The following SERGEF variants were observed in gnomAD, a reference collection of about 807,000 sequenced individuals.
The protein encoded by SERGEF is secretion regulating guanine nucleotide exchange factor, also known as secretion-regulating guanine nucleotide exchange factor.
SERGEF carries 51 observed loss-of-function variants against 50.0 expected under a neutral mutation model. The ratio of observed to expected loss-of-function variants is 1.02; its 90% CI spans 0.81 to 1.29. SERGEF has a LOEUF of 1.29. Ranked by LOEUF, SERGEF falls within the 50% of genes most tolerant of loss-of-function variation. SERGEF has a pLI of 0.00. For synonymous variants in SERGEF, 205 were observed against 212.4 expected, an observed-to-expected ratio of 0.97 and a Z score of 0.30; for missense variants, 521 against 557.0, an observed-to-expected ratio of 0.94 and a Z score of 0.65.
At position 17,808,030 on chromosome 11, in the gene SERGEF, C is replaced by T. The variant is rs186171984; in HGVS notation, c.1049-19617G>A. Among the ~76,000 whole-genome samples, 657 of 152,268 alleles carry T rather than the reference C, an allele frequency of 4.3e-3. 2 individuals are homozygous for T. Among genetic ancestry groups the T allele is most frequent in the African/African-American group, 0.015 (631 of 41,552 alleles). ...ATGTGCAGCCACAAGATTAGTGTCCCCTAATCTGAGAGTTTCTTGGGGCTA... is the reference window on the plus strand; with the variant it reads ...ATGTGCAGCCACAAGATTAGTGTCCTCTAATCTGAGAGTTTCTTGGGGCTA... On this transcript the variant is annotated intron_variant, in intron 10 of 10. Transcript: ENST00000265965.
At chr11:17,834,343 T>C (rs1850365677) in intron 10 of SERGEF, among the ~76,000 whole-genome samples, 1 of 152,160 alleles carries the variant, frequency 6.6e-6, no homozygotes, top group African/African-American at 2.4e-5. Context: ...ATGAAACTGT[T>C]AAGTCCAACT....
At chr11:17,946,107 C>T (rs1852655655) in intron 9 of SERGEF, among the ~76,000 whole-genome samples, 1 of 152,186 alleles carries the variant, frequency 6.6e-6, no homozygotes, top group South Asian at 2.1e-4. Flanking sequence ...AACTGCTTCT[C>T]ATTATACAGA....
chr11:17,867,574 C>G (rs911527804), intron 10 of SERGEF, among the ~76,000 whole-genome samples: 2 of 152,192 alleles, frequency 1.3e-5, no homozygotes, highest in Admixed American at 6.5e-5. Context: ...ATTCTGGGGC[C>G]TGGAGGATAG....
At chr11:17,800,673 A>G (rs373421314) in intron 10 of SERGEF, among the ~76,000 whole-genome samples, 142 of 152,318 alleles carry the variant, frequency 9.3e-4, no homozygotes, top group African/African-American at 3.2e-3. Context: ...ACAGTATATG[A>G]TTTAGAAGGG....
At chr11:18,003,617 T>C (rs1160490275) in intron 4 of SERGEF, among the ~76,000 whole-genome samples, 1 of 152,208 alleles carries the variant, frequency 6.6e-6, no homozygotes, top group Non-Finnish European at 1.5e-5. Flanking sequence ...GGCAGGGAAC[T>C]GCTTGAACCT....
intron 8 of SERGEF, among the ~76,000 whole-genome samples, chr11:17,982,350 C>T (rs766218572): frequency 1.2e-4 from 19 of 152,200 alleles, no homozygotes; most frequent in Non-Finnish European, 2.2e-4. Context: ...GCCAGATGAT[C>T]TCTAAGTTTC....
chr11:17,794,486 A>G (rs1267688143), intron 10 of SERGEF, among the ~76,000 whole-genome samples: 5 of 152,360 alleles, frequency 3.3e-5, no homozygotes, highest in South Asian at 4.1e-4. Context: ...TAATTTGTCT[A>G]TAGCCACACA....
chr11:17,992,921 T>C lies in SERGEF; in HGVS notation c.685+10A>G, dbSNP rs1428667536. 1.9e-6 allele frequency: 3 copies of C among 1,612,490 alleles called. No individual in the cohort carries two copies. Among genetic ancestry groups the C allele is most frequent in the East Asian group, 2.2e-5 (1 of 44,896 alleles). On this transcript the variant is annotated intron_variant, in intron 7 of 10. Transcript: ENST00000265965. ...ATGGCATGTTAAACCGTGAAAGAGC[T>C]GGTACCTACCTGTTAATGAAGCTGA...
intron 9 of SERGEF, among the ~76,000 whole-genome samples, chr11:17,927,125 G>A (rs986664247): frequency 6.6e-6 from 1 of 152,128 alleles, no homozygotes; most frequent in African/African-American, 2.4e-5. Flanking sequence ...AGCAAATTCT[G>A]AAGTCTGAAG....
intron 5 of SERGEF, 61 bp downstream of exon 5, chr11:18,000,436 G>T: frequency 1.7e-6 from 2 of 1,153,574 alleles, no homozygotes; most frequent in Non-Finnish European, 2.5e-6. Flanking sequence ...GCAACAGAGT[G>T]AGACCCCATC....
intron 10 of SERGEF, among the ~76,000 whole-genome samples, chr11:17,830,685 A>AGAGAGAGAGAGT (rs540825238): frequency 8.4e-6 from 1 of 118,884 alleles, no homozygotes; most frequent in Non-Finnish European, 1.8e-5. Context: ...AGAGAGAGAG[A>AGAGAGAGAGAGT]GAGCACATGT....
chr11:17,946,800 G>A (rs1852671298), intron 9 of SERGEF, among the ~76,000 whole-genome samples: 2 of 152,170 alleles, frequency 1.3e-5, no homozygotes, highest in African/African-American at 4.8e-5. Context: ...GACTACTGGA[G>A]GAGTCAGCAT....
intron 8 of SERGEF, among the ~76,000 whole-genome samples, chr11:17,987,527 C>T (rs183126968): frequency 6.6e-6 from 1 of 152,222 alleles, no homozygotes; most frequent in Non-Finnish European, 1.5e-5. Flanking sequence ...TAATGAATGA[C>T]ACACTTTGCT....
chr11:17,881,663 G>A (rs779794547), intron 9 of SERGEF, among the ~76,000 whole-genome samples: 2 of 152,206 alleles, frequency 1.3e-5, no homozygotes, highest in Non-Finnish European at 2.9e-5. Flanking sequence ...TCCTCTTTCT[G>A]GCTCTGAGAC....
chr11:17,844,609 G>A (rs182808594), intron 10 of SERGEF, among the ~76,000 whole-genome samples: 31 of 152,272 alleles, frequency 2.0e-4, no homozygotes, highest in African/African-American at 7.0e-4. Context: ...AAAGCCTTGC[G>A]TCTTCCTCCA....
intron 4 of SERGEF, among the ~76,000 whole-genome samples, chr11:18,003,144 C>T (rs1013693100): frequency 6.6e-6 from 1 of 152,168 alleles, no homozygotes; most frequent in Non-Finnish European, 1.5e-5. Flanking sequence ...AGCAAGCTGG[C>T]AGGGGCAGAC....
chr11:17,846,723 C>T (rs1850618837), intron 10 of SERGEF: 7 of 456,142 alleles, frequency 1.5e-5, no homozygotes, highest in Admixed American at 1.4e-4. Flanking sequence ...ATTTCCACAT[C>T]AGCAAAACTG....
rs1851466370 is a variant in SERGEF at position 17,888,219 on chromosome 11, T to TG, written c.1012-9976dup. On this transcript the variant is annotated intron_variant, in intron 9 of 10. Coordinates refer to ENST00000265965, the MANE Select transcript of SERGEF (RefSeq NM_012139.4). This position sits in a 1 kb window ranked among gnomAD's most constrained non-coding sequence, Gnocchi z 4.1. ...GTTGGGGACTGCTGCTTTACAGCAG[T>TG]GGGGGGAAATATTGATATTCACAAC... is the stretch of plus-strand genomic sequence containing the variant. Among the ~76,000 whole-genome samples the TG allele has an allele frequency of 6.6e-6, 1 of 151,958 alleles. No individual in the cohort carries two copies. Among genetic ancestry groups the TG allele is most frequent in the Non-Finnish European group, 1.5e-5 (1 of 68,014 alleles).
At chr11:17,895,435 C>A (rs1376391683) in intron 9 of SERGEF, among the ~76,000 whole-genome samples, 4 of 152,194 alleles carry the variant, frequency 2.6e-5, no homozygotes, top group African/African-American at 9.7e-5. Flanking sequence ...GACTCTCTTC[C>A]TAGGCACAGC....
Sources: gnomAD v4.1 joint callset for allele counts (sites outside exome capture counted in the v4.1 genomes callset) on GRCh38, gnomAD v4.1.1 for gene constraint, Gnocchi (gnomAD v3.1) non-coding constraint, MANE v1.5 for transcripts, NCBI Gene and HGNC (gene_info 2026-07-23, HGNC 2026-07-21) for gene names.